Variants in CUX2 observed in about 807,000 individuals in gnomAD.
CUX2 encodes cut like homeobox 2.
A neutral mutation model predicts 144.8 loss-of-function variants in CUX2; 40 were observed. That is an observed-to-expected ratio of 0.28 (90% confidence interval 0.21 to 0.36). The LOEUF (loss-of-function observed/expected upper bound fraction) is 0.36, where lower values mean the gene tolerates loss of function less well. CUX2 is among the 10% of genes least tolerant of loss of function. The pLI, the probability that CUX2 is intolerant of heterozygous loss-of-function variation, is 1.00. For missense variants in CUX2, 1,615 were observed against 1,994.0 expected, an observed-to-expected ratio of 0.81 and a Z score of 3.62; for synonymous variants, 827 against 875.6, an observed-to-expected ratio of 0.94 and a Z score of 0.98.
chr12:111,098,476 TC>T (rs535168072), intron 1 of CUX2, among the ~76,000 whole-genome samples: 89 of 151,826 alleles, frequency 5.9e-4, no homozygotes, highest in African/African-American at 1.8e-3. Flanking sequence ...CACCGGGGAT[TC>T]CCGGGTACAG....
At chr12:111,276,003 G>A (rs575943013) in intron 4 of CUX2, among the ~76,000 whole-genome samples, 1 of 152,104 alleles carries the variant, frequency 6.6e-6, no homozygotes, top group East Asian at 1.9e-4. Flanking sequence ...ACAAGATCCC[G>A]ATTTTCTATT....
intron 1 of CUX2, among the ~76,000 whole-genome samples, chr12:111,115,279 CTTTTT>C (rs869307048): frequency 5.6e-5 from 5 of 88,756 alleles, no homozygotes; most frequent in African/African-American, 1.7e-4. Flanking sequence ...AATAAAATTT[CTTTTT>C]TTTTTTTTTT....
chr12:111,280,744 C>G (rs1483481247), intron 4 of CUX2, among the ~76,000 whole-genome samples: 1 of 152,086 alleles, frequency 6.6e-6, no homozygotes, highest in African/African-American at 2.4e-5. Flanking sequence ...TTCACATGGC[C>G]TCCTTCCCTG....
chr12:111,046,610 C>A (rs1215310639), intron 1 of CUX2, among the ~76,000 whole-genome samples: 1 of 152,122 alleles, frequency 6.6e-6, no homozygotes, highest in Non-Finnish European at 1.5e-5. Context: ...TGCCGAGGTC[C>A]CCCCATCTAC....
chr12:111,075,312 G>C (rs1871471654), intron 1 of CUX2, among the ~76,000 whole-genome samples: 1 of 152,206 alleles, frequency 6.6e-6, no homozygotes, highest in African/African-American at 2.4e-5. Context: ...GGGGCCTTTG[G>C]AGGATGATTT....
chr12:111,241,478 A>G (rs1222795661), intron 3 of CUX2, among the ~76,000 whole-genome samples: 1 of 152,214 alleles, frequency 6.6e-6, no homozygotes. Flanking sequence ...GTTCTAGCCC[A>G]TTGGAGCCAA....
Position 111,214,192 on chromosome 12 carries a change from T to C in CUX2, c.64-8T>C, listed in dbSNP as rs2136224957. ...CTCTCTCTTTTTTTTTTTTTTTTATTGTTCCAGAAGGAGCTTAATTCCGTC... is the reference window on the plus strand; with the variant it reads ...CTCTCTCTTTTTTTTTTTTTTTTATCGTTCCAGAAGGAGCTTAATTCCGTC... On this transcript the variant is annotated splice_polypyrimidine_tract_variant and splice_region_variant and intron_variant, in intron 1 of 21. Transcript: ENST00000261726. 6.9e-7 allele frequency: 1 copy of C among 1,449,022 alleles called. No individual in the cohort carries two copies. The highest frequency in any genetic ancestry group is 9.3e-7 in the Non-Finnish European group (1 of 1,077,162). 89.8% of individuals were successfully genotyped at this position (1,449,022 alleles called of 1,614,324 possible).
chr12:111,177,835 T>C (rs1878946573), intron 1 of CUX2, among the ~76,000 whole-genome samples: 1 of 152,250 alleles, frequency 6.6e-6, no homozygotes, highest in Admixed American at 6.5e-5. Flanking sequence ...ATTGTCCTAG[T>C]GACGATACCT....
chr12:111,108,810 C>T lies in CUX2; in HGVS notation c.63+74570C>T, dbSNP rs960119924. On this transcript the variant is annotated intron_variant, in intron 1 of 21. Transcript: ENST00000261726. ...TTCTTGCTGAAGAAATCAGGCTGTC[C>T]TGTAGAGCTTCTGTCCATTGGGTTT... Among the ~76,000 whole-genome samples the T allele has an allele frequency of 2.6e-5, 4 of 151,992 alleles. No individual in the cohort carries two copies. The East Asian group carries it at 7.7e-4, about 29-fold the overall frequency.
intron 3 of CUX2, among the ~76,000 whole-genome samples, chr12:111,227,648 T>A (rs892661129): frequency 3.3e-5 from 5 of 152,138 alleles, no homozygotes; most frequent in African/African-American, 1.2e-4. Flanking sequence ...GGCTTTCTCC[T>A]ATATTTTCTT....
intron 1 of CUX2, among the ~76,000 whole-genome samples, chr12:111,062,807 A>G (rs570231291): frequency 6.6e-6 from 1 of 152,340 alleles, no homozygotes; most frequent in East Asian, 1.9e-4. Context: ...GAGGAGGCGC[A>G]TGGTAGTCCA....
chr12:111,320,583 G>T lies in CUX2; in HGVS notation c.2574G>T (p.Thr858=). Residue 858 remains threonine (T), a synonymous_variant, in exon 17 of 22, where the codon ACG becomes ACT. Coordinates refer to ENST00000261726, the MANE Select transcript of CUX2 (RefSeq NM_015267.4). This position sits in a 1 kb window ranked among gnomAD's most constrained non-coding sequence, Gnocchi z 8.1. ...RTGELKAEGA[T]AEAGARLPYY... ...GCGAGCTCAAGGCTGAGGGCGCGAC[G>T]GCCGAGGCGGGCGCGCGGCTGCCCT... 1 of 1,516,114 alleles carries T rather than the reference G, an allele frequency of 6.6e-7. No individual in the cohort carries two copies. The highest frequency in any genetic ancestry group is 2.6e-5 in the East Asian group (1 of 39,212). The allele number at this position is 1,516,114 out of a possible 1,614,324, so 93.9% of individuals were successfully genotyped here.
intron 1 of CUX2, among the ~76,000 whole-genome samples, chr12:111,173,741 G>C (rs1469197876): frequency 6.6e-6 from 1 of 152,184 alleles, no homozygotes; most frequent in Non-Finnish European, 1.5e-5. Flanking sequence ...ACTTGAGCAT[G>C]CATTTAAATC....
Position 111,348,361 on chromosome 12 carries a change from A to T in CUX2, c.*36A>T, listed in dbSNP as rs375935204. 9.0e-6 allele frequency: 14 copies of T among 1,562,190 alleles called. No homozygotes were observed. In the African/African-American group the frequency reaches 1.9e-4, roughly 21 times the overall value. The stretch of plus-strand genomic sequence containing the variant: ...AGGGGGCAAGGGACATACCCTGGTA[A>T]CTACCTTCCTTCTCGCACTTACTCT... On this transcript the variant is annotated 3_prime_UTR_variant, in exon 22 of 22. Transcript: ENST00000261726.
intron 1 of CUX2, among the ~76,000 whole-genome samples, chr12:111,180,118 C>A (rs558951441): frequency 6.6e-6 from 1 of 151,478 alleles, no homozygotes; most frequent in African/African-American, 2.4e-5. Flanking sequence ...CCCCACCTCA[C>A]CCTGCTGGGC....
Position 111,037,178 on chromosome 12 carries a change from CTGAGCTGCCTGTGATGTGA to C in CUX2, c.63+2939_63+2957del, listed in dbSNP as rs1260945044. Reference sequence around the variant, plus strand: ...AGAGCCGGGGTCCCGCGTCCCGAGGCTGAGCTGCCTGTGATGTGAGGAGGTGCGTGGCTTTCATTCCTGG... The same window carrying C: ...AGAGCCGGGGTCCCGCGTCCCGAGGCGGAGGTGCGTGGCTTTCATTCCTGG... On this transcript the variant is annotated intron_variant, in intron 1 of 21. Transcript: ENST00000261726. The surrounding 1 kb of genome is among the most constrained non-coding windows in gnomAD (Gnocchi z 5.4). Among the ~76,000 whole-genome samples the C allele has an allele frequency of 6.6e-6, 1 of 152,164 alleles. No individual in the cohort carries two copies. The highest frequency in any genetic ancestry group is 1.5e-5 in the Non-Finnish European group (1 of 68,036).
Position 111,172,919 on chromosome 12 carries a change from T to A in CUX2, c.64-41281T>A, listed in dbSNP as rs16941284. On this transcript the variant is annotated intron_variant, in intron 1 of 21. Coordinates refer to ENST00000261726, the MANE Select transcript of CUX2 (RefSeq NM_015267.4). ...CCCTTCCAGCTTTAGCTCCAAGAGC[T>A]GAGCAAACTGCCGTGCAGCATCGAG... Among the ~76,000 whole-genome samples, 763 of 152,338 alleles carry A rather than the reference T, an allele frequency of 5.0e-3. 39 individuals are homozygous for A. In the East Asian group the frequency reaches 0.097, roughly 19 times the overall value.
At chr12:111,133,664 C>T (rs937553829) in intron 1 of CUX2, among the ~76,000 whole-genome samples, 2 of 152,170 alleles carry the variant, frequency 1.3e-5, no homozygotes, top group South Asian at 4.1e-4. Flanking sequence ...CCTTTAGGGG[C>T]CTGCTGGGAA....
intron 18 of CUX2, among the ~76,000 whole-genome samples, chr12:111,333,383 C>T (rs1391098783): frequency 6.6e-6 from 1 of 152,082 alleles, no homozygotes; most frequent in Non-Finnish European, 1.5e-5. Flanking sequence ...GACCCTGTCT[C>T]AAAATGAATT....
Sources: allele counts gnomAD v4.1 joint callset (sites outside exome capture counted in the v4.1 genomes callset), GRCh38; gene constraint gnomAD v4.1.1; non-coding constraint Gnocchi (gnomAD v3.1); transcripts MANE v1.5; gene names NCBI Gene and HGNC (gene_info 2026-07-23, HGNC 2026-07-21).